CHTF8: variants seen among roughly 807,000 people sequenced by gnomAD.
CHTF8 encodes chromosome transmission fidelity protein 8 homolog.
Under a neutral mutation model 11.0 loss-of-function variants are expected in CHTF8, and 6 were observed. The observed-to-expected ratio is 0.55, with a 90% CI of 0.30 to 1.08. CHTF8 has a LOEUF of 1.08. CHTF8 is among the 50% of genes least tolerant of loss of function. The pLI is 0.07. For synonymous variants in CHTF8, 53 were observed against 60.5 expected, an observed-to-expected ratio of 0.88 and a Z score of 0.57; for missense variants, 140 against 153.1, an observed-to-expected ratio of 0.91 and a Z score of 0.45.
At position 69,120,353 on chromosome 16, in the gene CHTF8, G is replaced by A. The variant is rs1404905252; in HGVS notation, c.*72C>T. The A allele has an allele frequency of 5.4e-6, 8 of 1,478,890 alleles. No homozygotes were observed. The highest frequency in any genetic ancestry group is 7.6e-6 in the Non-Finnish European group (8 of 1,058,528). 91.6% of individuals were successfully genotyped at this position (1,478,890 alleles called of 1,614,324 possible). ...CCCTGTGGTCCCAGGGAACCGTCGA[G>A]CCGTCCTCGAGGTGGCAGCGGAGCA... On this transcript the variant is annotated 3_prime_UTR_variant, in exon 4 of 4. Transcript: ENST00000448552. This position sits in a 1 kb window ranked among gnomAD's most constrained non-coding sequence, Gnocchi z 4.0.
chr16:69,124,492 C>T (rs191864385), intron 1 of CHTF8, among the ~76,000 whole-genome samples: 12 of 152,026 alleles, frequency 7.9e-5, no homozygotes, highest in East Asian at 1.9e-4. Flanking sequence ...GGCATGATCT[C>T]GGCTCACCAC....
intron 1 of CHTF8, among the ~76,000 whole-genome samples, chr16:69,128,597 TAAAGG>T (rs1962260033): frequency 1.3e-5 from 2 of 152,142 alleles, no homozygotes; most frequent in Non-Finnish European, 1.5e-5. Context: ...TTTATCTCAG[TAAAGG>T]AAACTTTTTT....
At position 69,119,922 on chromosome 16, in the gene CHTF8, A is replaced by T. The variant is rs1961496320; in HGVS notation, c.*503T>A. 4.3e-6 allele frequency: 3 copies of T among 702,652 alleles called. No homozygotes were observed. The East Asian group carries it at 8.0e-5, about 19-fold the overall frequency. 43.5% of individuals were successfully genotyped at this position (702,652 alleles called of 1,614,324 possible). On this transcript the variant is annotated 3_prime_UTR_variant, in exon 4 of 4. Transcript: ENST00000448552. ...CCATGGGACCACCACCTCTGGGGTC[A>T]GGACCTGCTCCCAGGAGACCACCTG...
At chr16:69,128,477 C>T (rs1270676338) in intron 1 of CHTF8, among the ~76,000 whole-genome samples, 1 of 152,154 alleles carries the variant, frequency 6.6e-6, no homozygotes, top group African/African-American at 2.4e-5. Context: ...ATCCTGTCCC[C>T]AATCTCATGA....
At chr16:69,121,615 A>G in intron 1 of CHTF8, 122 bp from the exon 2 acceptor site, 1 of 574,334 alleles carries the variant, frequency 1.7e-6, no homozygotes, top group Non-Finnish European at 3.1e-6. Flanking sequence ...GTAGCTGGGA[A>G]TACAGGCACC....
chr16:69,120,128 C>T lies in CHTF8; in HGVS notation c.*297G>A. 1 of 701,356 alleles carries T rather than the reference C, an allele frequency of 1.4e-6. No homozygotes were observed. The highest frequency in any genetic ancestry group is 1.7e-5 in the African/African-American group (1 of 57,302). The allele number at this position is 701,356 out of a possible 1,614,324, so 43.4% of individuals were successfully genotyped here. ...GCACCTGTGCCAGTGGGATTCATCC[C>T]TCTTGGAAAAGAAGCCATACTTGGG... On this transcript the variant is annotated 3_prime_UTR_variant, in exon 4 of 4. Coordinates refer to ENST00000448552, the MANE Select transcript of CHTF8 (RefSeq NM_001039690.5). This position sits in a 1 kb window ranked among gnomAD's most constrained non-coding sequence, Gnocchi z 4.0.
chr16:69,121,559 C>A, intron 1 of CHTF8, 66 bp from the exon 2 acceptor site: 1 of 947,780 alleles, frequency 1.1e-6, no homozygotes, highest in Non-Finnish European at 1.6e-6. Flanking sequence ...CCTAATGCAA[C>A]CTCCACCTCC....
rs1961596003 is a variant in CHTF8 at position 69,120,802 on chromosome 16, C to T, written c.142-153G>A. On this transcript the variant is annotated intron_variant, in intron 3 of 3. Transcript: ENST00000448552. The surrounding 1 kb of genome is among the most constrained non-coding windows in gnomAD (Gnocchi z 4.0). ...GAGCAGCCACACTGGACCACCCACC[C>T]ATGTGCCCTTTTTACTTTCTAGCCC... 1 of 737,078 alleles carries T rather than the reference C, an allele frequency of 1.4e-6. No individual in the cohort carries two copies. Among genetic ancestry groups the T allele is most frequent in the Non-Finnish European group, 2.3e-6 (1 of 427,242 alleles). 45.7% of individuals were successfully genotyped at this position (737,078 alleles called of 1,614,324 possible).
At position 69,120,867 on chromosome 16, in the gene CHTF8, C is replaced by T. The variant is rs1433672072; in HGVS notation, c.141+186G>A. 4.0e-6 allele frequency: 3 copies of T among 753,858 alleles called. No homozygotes were observed. The highest frequency in any genetic ancestry group is 2.0e-5 in the Admixed American group (1 of 49,786). The allele number at this position is 753,858 out of a possible 1,614,324, so 46.7% of individuals were successfully genotyped here. A position where few individuals can be genotyped will look rare whatever the true frequency, so the allele number is the denominator to read the frequency against. ...TCCACTTTCAGAAATGTGAGCTTTC[C>T]AGATTCCCCAAAATTAAATTTCCCT... On this transcript the variant is annotated intron_variant, in intron 3 of 3. Transcript: ENST00000448552. This position sits in a 1 kb window ranked among gnomAD's most constrained non-coding sequence, Gnocchi z 4.0.
At chr16:69,123,942 AAAAAAC>A (rs1567591179) in intron 1 of CHTF8, among the ~76,000 whole-genome samples, 2 of 146,702 alleles carry the variant, frequency 1.4e-5, no homozygotes, top group Non-Finnish European at 3.0e-5. Flanking sequence ...AAAAAAAAAA[AAAAAAC>A]AAAAAATTAG....
intron 1 of CHTF8, among the ~76,000 whole-genome samples, chr16:69,129,524 G>A (rs929016189): frequency 1.3e-5 from 2 of 151,070 alleles, no homozygotes. Flanking sequence ...AGCTAGCCTC[G>A]TTCACTTATC....
chr16:69,132,324 G>A (rs1426968883), intron 1 of CHTF8, among the ~76,000 whole-genome samples, 160 bp downstream of exon 1: 3 of 76,060 alleles, frequency 3.9e-5, no homozygotes, highest in Non-Finnish European at 7.9e-5. Context: ...CCCCTCCCCC[G>A]CCCGCGCTCC....
At chr16:69,125,940 T>C (rs990210823) in intron 1 of CHTF8, among the ~76,000 whole-genome samples, 7 of 152,186 alleles carry the variant, frequency 4.6e-5, no homozygotes, top group African/African-American at 1.4e-4. Context: ...CCAAGTTCTA[T>C]TGAGATGAAC....
At chr16:69,125,630 A>C (rs8057931) in intron 1 of CHTF8, among the ~76,000 whole-genome samples, 1 of 152,084 alleles carries the variant, frequency 6.6e-6, no homozygotes, top group Admixed American at 6.5e-5. Flanking sequence ...ACCAGCACAG[A>C]TTGTGGGACC....
In CHTF8 at chr16:69,120,159, A is replaced by G. The variant is rs1316446848; in HGVS notation, c.*266T>C. On this transcript the variant is annotated 3_prime_UTR_variant, in exon 4 of 4. Transcript: ENST00000448552. The surrounding 1 kb of genome is among the most constrained non-coding windows in gnomAD (Gnocchi z 4.0). ...GAAAAGAAGCCATACTTGGGTCACG[A>G]GCACCAGCCGGGAAAGGTGCTGGAT... 2 of 701,530 alleles carry G rather than the reference A, an allele frequency of 2.9e-6. No homozygotes were observed. The highest frequency in any genetic ancestry group is 1.5e-5 in the South Asian group (1 of 67,520). The allele number at this position is 701,530 out of a possible 1,614,324, so 43.5% of individuals were successfully genotyped here. A position where few individuals can be genotyped will look rare whatever the true frequency, so the allele number is the denominator to read the frequency against.
rs1392709892 is a variant in CHTF8 at position 69,118,822 on chromosome 16, A to C, written c.*1603T>G. The C allele has an allele frequency of 4.3e-5, 29 of 682,234 alleles. No individual in the cohort carries two copies. The East Asian group carries it at 7.3e-4, about 17-fold the overall frequency. 42.3% of individuals were successfully genotyped at this position (682,234 alleles called of 1,614,324 possible). On this transcript the variant is annotated 3_prime_UTR_variant, in exon 4 of 4. Coordinates refer to ENST00000448552, the MANE Select transcript of CHTF8 (RefSeq NM_001039690.5). ...CCCTGCCAAGAACCACAGTGCCTAG[A>C]AACCAAGGTGGTCCTGGAGGGAAAA...
At chr16:69,130,015 A>G in intron 1 of CHTF8, among the ~76,000 whole-genome samples, 1 of 152,284 alleles carries the variant, frequency 6.6e-6, no homozygotes, top group East Asian at 1.9e-4. Flanking sequence ...TCAAGAGAAT[A>G]GAGGACATTC....
At chr16:69,128,748 C>T in intron 1 of CHTF8, among the ~76,000 whole-genome samples, 1 of 152,004 alleles carries the variant, frequency 6.6e-6, no homozygotes, top group East Asian at 1.9e-4. Flanking sequence ...GCTTCTCTCT[C>T]TCTTTTGAAA....
chr16:69,122,997 G>A (rs1961794987), intron 1 of CHTF8, among the ~76,000 whole-genome samples: 2 of 151,938 alleles, frequency 1.3e-5, no homozygotes, highest in Admixed American at 1.3e-4. Flanking sequence ...TTGACCTCAT[G>A]ATCCGCCCAC....
Sources: gnomAD v4.1 joint callset for allele counts (sites outside exome capture counted in the v4.1 genomes callset) on GRCh38, gnomAD v4.1.1 for gene constraint, Gnocchi (gnomAD v3.1) non-coding constraint, MANE v1.5 for transcripts, NCBI Gene and HGNC (gene_info 2026-07-23, HGNC 2026-07-21) for gene names.